SHC1: variants seen among roughly 807,000 people sequenced by gnomAD.
The protein encoded by SHC1 is SHC adaptor protein 1, also known as SHC-transforming protein 1.
A neutral mutation model predicts 55.9 loss-of-function variants in SHC1; 30 were observed. The observed-to-expected ratio is 0.54, with a 90% CI of 0.40 to 0.73. The LOEUF is 0.73. Ranked by LOEUF, SHC1 falls within the 30% of genes least tolerant of loss-of-function variation. The pLI, the probability that SHC1 is intolerant of heterozygous loss-of-function variation, is 0.00. For missense variants in SHC1, 675 were observed against 777.1 expected, an observed-to-expected ratio of 0.87 and a Z score of 1.56; for synonymous variants, 309 against 306.1, an observed-to-expected ratio of 1.01 and a Z score of -0.10.
intron 11 of SHC1, chr1:154,965,243 G>C (rs1655788668): frequency 3.4e-6 from 2 of 594,760 alleles, no homozygotes; most frequent in Admixed American, 7.0e-5. Flanking sequence ...CACCATATTG[G>C]TCAGGCTGGT....
In SHC1 at chr1:154,970,172, C is replaced by T; in HGVS notation, c.355G>A (p.Gly119Arg). The change falls in exon 1 of 12, where the codon GGG (glycine) becomes AGG (arginine). Residue 119 changes from glycine to arginine, a missense_variant. Coordinates refer to ENST00000448116, the MANE Select transcript of SHC1 (RefSeq NM_001130040.2). The surrounding 1 kb of genome is among the most constrained non-coding windows in gnomAD (Gnocchi z 5.5). ...QDMNKLSGGGGRRTRVEGGQL... is the reference protein window; with the variant it reads ...QDMNKLSGGGRRRTRVEGGQL... ...CCCCCTTCCACCCGAGTCCTGCGCC[C>T]GCCGCCTCCACTCAGCTTGTTCATG... 2 of 1,613,644 alleles carry T rather than the reference C, an allele frequency of 1.2e-6. No individual in the cohort carries two copies. Among genetic ancestry groups the T allele is most frequent in the Non-Finnish European group, 1.7e-6 (2 of 1,179,940 alleles).
At chr1:154,965,352 AAAG>A (rs1425190097) in intron 11 of SHC1, 188 bp downstream of exon 11, 2 of 1,567,306 alleles carry the variant, frequency 1.3e-6, no homozygotes, top group African/African-American at 2.7e-5. Flanking sequence ...CCAGGACTAT[AAAG>A]AACATAGTTC....
At chr1:154,968,105 T>C (rs1028941954) in intron 5 of SHC1, 74 bp from the exon 6 acceptor site, 2 of 1,589,630 alleles carry the variant, frequency 1.3e-6, no homozygotes. Flanking sequence ...TTTTCAGATA[T>C]CCCCACAATC....
upstream of SHC1, among the ~76,000 whole-genome samples, chr1:154,973,039 T>C (rs1366694863): frequency 4.6e-5 from 7 of 152,136 alleles, no homozygotes; most frequent in Admixed American, 4.6e-4. Context: ...AACAAATCCA[T>C]GGTCTTATCC....
At chr1:154,974,256 C>G (rs562256488), upstream of SHC1, 2 of 219,454 alleles carry the variant, frequency 9.1e-6, no homozygotes, top group Non-Finnish European at 1.9e-5. Context: ...ACCAGGGCCT[C>G]ATGGAGTCTC....
Position 154,966,029 on chromosome 1 carries a change from T to C in SHC1, c.1304A>G (p.Asp435Gly). 1.2e-6 allele frequency: 2 copies of C among 1,614,042 alleles called. No individual in the cohort carries two copies. The highest frequency in any genetic ancestry group is 1.7e-6 in the Non-Finnish European group (2 of 1,179,976). Residue 435 changes from aspartate (D) to glycine (G), a missense_variant, in exon 10 of 12, where the codon GAC (aspartate) becomes GGC (glycine). Asp to Gly is a moderately conservative substitution (Grantham distance 94). This residue lies in a region of SHC1 where 360 missense variants were observed against 371.1 expected (regional missense o/e 0.97). Transcript: ENST00000448116. Reference sequence around the variant, plus strand: ...ACCACCCACTGCTTGCCGGGCCTTGTCTAGGTTCTGGACGTTGACATAGGA... The same window carrying C: ...ACCACCCACTGCTTGCCGGGCCTTGCCTAGGTTCTGGACGTTGACATAGGA... ...DPSYVNVQNL[D>G]KARQAVGGAG...
In SHC1 at chr1:154,970,240, C is replaced by T; in HGVS notation, c.287G>A (p.Gly96Glu). ...GGGGCCTGAGTCTGGCATGGCTGCCCCTACGATCCCCTCCCCATCATCAGC... is the reference window on the plus strand; with the variant it reads ...GGGGCCTGAGTCTGGCATGGCTGCCTCTACGATCCCCTCCCCATCATCAGC... ...RAADDGEGIVGAAMPDSGPLP... is the reference protein window; with the variant it reads ...RAADDGEGIVEAAMPDSGPLP... The change falls in exon 1 of 12, where the codon GGG becomes GAG. Residue 96 changes from glycine (G) to glutamate (E), a missense_variant. Transcript: ENST00000448116. The surrounding 1 kb of genome is among the most constrained non-coding windows in gnomAD (Gnocchi z 5.5). The T allele has an allele frequency of 6.2e-7, 1 of 1,612,670 alleles. No individual in the cohort carries two copies. The highest frequency in any genetic ancestry group is 8.5e-7 in the Non-Finnish European group (1 of 1,179,240).
chr1:154,972,258 A>T (rs1307276834), upstream of SHC1, among the ~76,000 whole-genome samples: 6 of 151,732 alleles, frequency 4.0e-5, no homozygotes, highest in Non-Finnish European at 8.8e-5. Flanking sequence ...AAAAAAAAAA[A>T]TACGTATTCC....
upstream of SHC1, chr1:154,974,375 T>A (rs983164930): frequency 2.7e-6 from 1 of 365,950 alleles, no homozygotes; most frequent in African/African-American, 2.1e-5. Flanking sequence ...TTTATTACAC[T>A]CACTTCCGGC....
At chr1:154,968,443 C>A in intron 4 of SHC1, 52 bp downstream of exon 4, 2 of 1,612,022 alleles carry the variant, frequency 1.2e-6, no homozygotes, top group Non-Finnish European at 1.7e-6. Context: ...AACTAGATCT[C>A]CCCTTAGCAC....
Position 154,970,440 on chromosome 1 carries a change from G to C in SHC1, c.87C>G (p.Thr29=), listed in dbSNP as rs866808843. 9.3e-6 allele frequency: 15 copies of C among 1,610,948 alleles called. No individual in the cohort carries two copies. The highest frequency in any genetic ancestry group is 1.6e-4 in the Middle Eastern group (1 of 6,078). ...ATGGGGAAGGCAGCTCCTCCGGGGG[G>C]GTGGACCCAGAAGCCCCTTCCTCCA... is the stretch of plus-strand genomic sequence containing the variant. ...SSLEEGASGS[T]PPEELPSPSA... Residue 29 remains threonine, a synonymous_variant, in exon 1 of 12, where the codon ACC becomes ACG. Transcript: ENST00000448116. The surrounding 1 kb of genome is among the most constrained non-coding windows in gnomAD (Gnocchi z 5.5).
upstream of SHC1, among the ~76,000 whole-genome samples, chr1:154,971,036 C>G (rs1005770235): frequency 6.6e-6 from 1 of 152,004 alleles, no homozygotes; most frequent in Non-Finnish European, 1.5e-5. Flanking sequence ...TCACTCAAAA[C>G]CGGACACACG....
chr1:154,966,119 C>A, intron 9 of SHC1, 39 bp from the exon 10 acceptor site: 1 of 1,614,070 alleles, frequency 6.2e-7, no homozygotes, highest in Admixed American at 1.7e-5. Flanking sequence ...CCAGCCCTGC[C>A]TCCAACACTC....
intron 4 of SHC1, 89 bp downstream of exon 4, chr1:154,968,406 A>G: frequency 6.3e-7 from 1 of 1,582,928 alleles, no homozygotes; most frequent in South Asian, 1.1e-5. Context: ...CCTGCTCTCA[A>G]GCCCTCTTCC....
At chr1:154,972,901 C>A (rs1383442965), upstream of SHC1, among the ~76,000 whole-genome samples, 1 of 151,708 alleles carries the variant, frequency 6.6e-6, no homozygotes, top group African/African-American at 2.4e-5. Flanking sequence ...GAAGTAGCGA[C>A]TGAACTGTCC....
intron 2 of SHC1, 74 bp from the exon 3 acceptor site, chr1:154,968,908 G>T (rs756348849): frequency 2.2e-6 from 3 of 1,389,668 alleles, no homozygotes; most frequent in Admixed American, 3.4e-5. Context: ...CCACAGGGCT[G>T]GGGGAGGGGA....
chr1:154,969,545 A>T, intron 1 of SHC1, 97 bp from the exon 2 acceptor site: 1 of 773,926 alleles, frequency 1.3e-6, no homozygotes, highest in Non-Finnish European at 2.2e-6. Context: ...TCCCTAAGGG[A>T]AGTAAAGAGG....
upstream of SHC1, among the ~76,000 whole-genome samples, chr1:154,971,498 T>C (rs1558063788): frequency 6.6e-6 from 1 of 152,174 alleles, no homozygotes; most frequent in Non-Finnish European, 1.5e-5. Context: ...CCAAGACCGA[T>C]GGCTCATAGC....
Position 154,966,507 on chromosome 1 carries a change from A to G in SHC1, c.994T>C (p.Phe332Leu). The change falls in exon 8 of 12, where the codon TTT (phenylalanine) becomes CTT (leucine). Residue 332 changes from phenylalanine to leucine, a missense_variant. Physicochemically the swap from Phe to Leu is conservative, Grantham distance 22. Transcript: ENST00000448116. The part of the protein sequence containing the change: ...LVTPHDRMAG[F>L]DGSAWDEEEE... Reference sequence around the variant, plus strand: ...TCCTCATCCCATGCTGAGCCATCAAAGCCAGCCATCCTGAGGGACAGGACA... The same window carrying G: ...TCCTCATCCCATGCTGAGCCATCAAGGCCAGCCATCCTGAGGGACAGGACA... 3.1e-6 allele frequency: 5 copies of G among 1,593,740 alleles called. No homozygotes were observed. Among genetic ancestry groups the G allele is most frequent in the Non-Finnish European group, 4.3e-6 (5 of 1,168,518 alleles).
Sources: allele counts gnomAD v4.1 joint callset (sites outside exome capture counted in the v4.1 genomes callset), GRCh38; gene constraint gnomAD v4.1.1; regional missense constraint gnomAD v4.1.1; non-coding constraint Gnocchi (gnomAD v3.1); transcripts MANE v1.5; gene names NCBI Gene and HGNC (gene_info 2026-07-23, HGNC 2026-07-21).